Variants in JPH2 observed in about 807,000 individuals in gnomAD.
The protein encoded by JPH2 is junctophilin 2.
JPH2 carries 38 observed loss-of-function variants against 55.9 expected under a neutral mutation model. That is an observed-to-expected ratio of 0.68 (90% CI 0.52 to 0.89). JPH2 has a LOEUF of 0.89. Among genes scored for constraint, JPH2 ranks in the 40% least tolerant of loss-of-function variants. The probability of loss-of-function intolerance (pLI) is 0.00; values close to 1 mark genes in which losing one functional copy is unlikely to be tolerated. For synonymous variants in JPH2, 480 were observed against 472.4 expected, an observed-to-expected ratio of 1.02 and a Z score of -0.21; for missense variants, 964 against 1,037.6, an observed-to-expected ratio of 0.93 and a Z score of 0.97.
chr20:44,144,090 A>C (rs2072477199), intron 2 of JPH2, among the ~76,000 whole-genome samples: 1 of 152,156 alleles, frequency 6.6e-6, no homozygotes, highest in Non-Finnish European at 1.5e-5. Flanking sequence ...GACCTGTTGC[A>C]AAGGGGTTAT....
At chr20:44,133,427 T>C (rs1194655257) in intron 2 of JPH2, among the ~76,000 whole-genome samples, 1 of 152,100 alleles carries the variant, frequency 6.6e-6, no homozygotes, top group Non-Finnish European at 1.5e-5. Context: ...CAGGTATTAT[T>C]ATGTCCACTG....
At chr20:44,116,424 G>T in intron 3 of JPH2, 38 bp from the exon 4 acceptor site, 1 of 1,541,888 alleles carries the variant, frequency 6.5e-7, no homozygotes, top group Non-Finnish European at 8.7e-7. Context: ...CTCGAACCCC[G>T]CACCACTGTT....
chr20:44,130,619 C>T (rs2072310876), intron 2 of JPH2, among the ~76,000 whole-genome samples: 2 of 152,222 alleles, frequency 1.3e-5, no homozygotes, highest in Admixed American at 1.3e-4. Context: ...GGCAAAGAGG[C>T]TTTCACTGCA....
chr20:44,114,639 T>C, intron 5 of JPH2, 143 bp downstream of exon 5: 2 of 633,574 alleles, frequency 3.2e-6, no homozygotes, highest in Admixed American at 2.1e-5. Flanking sequence ...CTCTAGGTCT[T>C]GGCTTCTGCA....
chr20:44,133,227 C>T (rs1044589303), intron 2 of JPH2, among the ~76,000 whole-genome samples: 1 of 148,132 alleles, frequency 6.8e-6, no homozygotes, highest in Non-Finnish European at 1.5e-5. Flanking sequence ...CTTCTTTAAA[C>T]TCTCCCCAAT....
At chr20:44,127,708 C>G (rs1043491942) in intron 2 of JPH2, among the ~76,000 whole-genome samples, 1 of 151,966 alleles carries the variant, frequency 6.6e-6, no homozygotes, top group Non-Finnish European at 1.5e-5. Flanking sequence ...CCAGGATGGT[C>G]TCATCTCCTG....
At position 44,134,059 on chromosome 20, in the gene JPH2, T is replaced by TTATATATATAAATATATATTTA. The variant is rs1569192621; in HGVS notation, c.1170-15437_1170-15436insTAAATATATATTTATATATATA. ...ATATTTATATATAAATATATATTTATTATAAATATATAAATATATATTTAT... is the reference window on the plus strand; with the variant it reads ...ATATTTATATATAAATATATATTTATTATATATATAAATATATATTTATATAAATATATAAATATATATTTAT... On this transcript the variant is annotated intron_variant, in intron 2 of 5. Transcript: ENST00000372980. Among the ~76,000 whole-genome samples, 16 of 25,016 alleles carry TTATATATATAAATATATATTTA rather than the reference T, an allele frequency of 6.4e-4. 7 individuals carry two copies. Among genetic ancestry groups the TTATATATATAAATATATATTTA allele is most frequent in the African/African-American group, 2.5e-3 (13 of 5,192 alleles). 16.4% of individuals were successfully genotyped at this position (25,016 alleles called of 152,430 possible).
intron 2 of JPH2, among the ~76,000 whole-genome samples, chr20:44,121,354 G>T (rs764313746): frequency 2.0e-5 from 3 of 152,166 alleles, no homozygotes; most frequent in Non-Finnish European, 2.9e-5. Context: ...GCTGATGTGT[G>T]TGTGTCTTTA....
intron 2 of JPH2, among the ~76,000 whole-genome samples, chr20:44,156,187 T>C (rs2072565343): frequency 6.6e-6 from 1 of 152,178 alleles, no homozygotes; most frequent in South Asian, 2.1e-4. Flanking sequence ...ATGGAAAAAC[T>C]AGTGAAATGC....
rs540892252 is a variant in JPH2, at chr20:44,184,581, T to G, written c.379+1746A>C. Among the ~76,000 whole-genome samples the G allele has an allele frequency of 2.0e-5, 3 of 152,278 alleles. No homozygotes were observed. In the South Asian group the frequency reaches 6.2e-4, roughly 32 times the overall value. On this transcript the variant is annotated intron_variant, in intron 1 of 5. Transcript: ENST00000372980. ...TTTGAGCAGTACTGATATTCTAAAG[T>G]GTCCCTTTTCACAGATGAGGAAACT...
chr20:44,141,850 T>C, intron 2 of JPH2, among the ~76,000 whole-genome samples: 1 of 152,026 alleles, frequency 6.6e-6, no homozygotes, highest in Non-Finnish European at 1.5e-5. Context: ...CAGTTCTAAC[T>C]ACACAATCCT....
intron 1 of JPH2, among the ~76,000 whole-genome samples, chr20:44,173,076 T>C (rs967289198): frequency 6.6e-6 from 1 of 152,218 alleles, no homozygotes; most frequent in Non-Finnish European, 1.5e-5. Context: ...AAACTAACTA[T>C]TCAAAAATTG....
rs374504379 is a variant in JPH2 at position 44,110,261 on chromosome 20, C to A, written c.*3257G>T. On this transcript the variant is annotated 3_prime_UTR_variant, in exon 6 of 6. Coordinates refer to ENST00000372980, the MANE Select transcript of JPH2 (RefSeq NM_020433.5). ...ACACAGACACACCCCATCTGCAGAC[C>A]GGCCAACTGGGCTGGCTGCCCACCT... Among the ~76,000 whole-genome samples the A allele has an allele frequency of 3.9e-5, 6 of 152,076 alleles. No individual in the cohort carries two copies. In the East Asian group the frequency reaches 9.6e-4, roughly 24 times the overall value.
intron 2 of JPH2, among the ~76,000 whole-genome samples, chr20:44,119,343 C>T (rs2072218248): frequency 6.6e-6 from 1 of 152,176 alleles, no homozygotes; most frequent in African/African-American, 2.4e-5. Flanking sequence ...GCTACTACTA[C>T]TATTATGGTT....
intron 2 of JPH2, among the ~76,000 whole-genome samples, chr20:44,145,479 C>A (rs561985889): frequency 6.6e-6 from 1 of 152,078 alleles, no homozygotes; most frequent in South Asian, 2.1e-4. Flanking sequence ...GGTAGCGTGC[C>A]TGTAATCCCA....
intron 1 of JPH2, among the ~76,000 whole-genome samples, chr20:44,175,764 C>A (rs746852139): frequency 6.6e-6 from 1 of 152,234 alleles, no homozygotes; most frequent in Non-Finnish European, 1.5e-5. Context: ...AGCCCTGGAG[C>A]CTGTGGCCTG....
chr20:44,119,114 G>A (rs941761270), intron 2 of JPH2, among the ~76,000 whole-genome samples: 1 of 152,212 alleles, frequency 6.6e-6, no homozygotes, highest in Non-Finnish European at 1.5e-5. Context: ...ACAAAAGGAT[G>A]CAGTTACTTG....
At position 44,109,416 on chromosome 20, in the gene JPH2, A is replaced by G. The variant is rs896311699; in HGVS notation, c.*4102T>C. On this transcript the variant is annotated 3_prime_UTR_variant, in exon 6 of 6. Coordinates refer to ENST00000372980, the MANE Select transcript of JPH2 (RefSeq NM_020433.5). ...TATTCATCACCCCCAGAAAAGTAAG[A>G]AAGTTCTAGATGTTAAGGGACAGAG... is the stretch of plus-strand genomic sequence containing the variant. Among the ~76,000 whole-genome samples the G allele has an allele frequency of 5.9e-5, 9 of 152,228 alleles. No individual in the cohort carries two copies. The highest frequency in any genetic ancestry group is 2.2e-4 in the African/African-American group (9 of 41,458).
At chr20:44,136,324 T>A (rs1036183150) in intron 2 of JPH2, among the ~76,000 whole-genome samples, 1 of 152,142 alleles carries the variant, frequency 6.6e-6, no homozygotes, top group Non-Finnish European at 1.5e-5. Context: ...GGGCCATGAC[T>A]GTCACCGTGC....
Sources: allele counts gnomAD v4.1 joint callset (sites outside exome capture counted in the v4.1 genomes callset), GRCh38; gene constraint gnomAD v4.1.1; transcripts MANE v1.5; gene names NCBI Gene and HGNC (gene_info 2026-07-23, HGNC 2026-07-21).